Variants in N4BP1 observed in about 807,000 individuals in gnomAD.
N4BP1 encodes the protein NEDD4 binding protein 1, also known as NEDD4-binding protein 1.
N4BP1 carries 21 observed loss-of-function variants against 70.9 expected under a neutral mutation model. That is an observed-to-expected ratio of 0.30 (90% confidence interval 0.21 to 0.43). The LOEUF is 0.43. Ranked by LOEUF, N4BP1 falls within the 20% of genes least tolerant of loss-of-function variation. The probability of loss-of-function intolerance (pLI) is 1.00; values close to 1 mark genes in which losing one functional copy is unlikely to be tolerated. For missense variants in N4BP1, 936 were observed against 1,069.4 expected (o/e 0.88, Z 1.74); for synonymous variants, 387 against 394.6 (o/e 0.98, Z 0.23).
chr16:48,559,567 T>TAA lies in N4BP1; in HGVS notation c.1889+1185_1889+1186dup, dbSNP rs559847710. 4.6e-5 allele frequency: 7 copies of TAA among 151,448 alleles called. No homozygotes were observed. In the East Asian group the frequency reaches 1.4e-3, roughly 29 times the overall value. The allele number at this position is 151,448 out of a possible 1,614,324, so 9.4% of individuals were successfully genotyped here. On this transcript the variant is annotated intron_variant, in intron 2 of 6. Coordinates refer to ENST00000262384, the MANE Select transcript of N4BP1 (RefSeq NM_153029.4). ...AAATGGCAACCTAAGAGTATTCTTG[T>TAA]AAAAAAAAATGGCTGAGTCTCAGCC...
At position 48,541,263 on chromosome 16, in the gene N4BP1, C is replaced by G. The variant is rs1963495077; in HGVS notation, c.*1641G>C. The G allele has an allele frequency of 6.6e-6, 1 of 152,276 alleles. No homozygotes were observed. 9.4% of individuals were successfully genotyped at this position (152,276 alleles called of 1,614,324 possible). A position where few individuals can be genotyped will look rare whatever the true frequency, so the allele number is the denominator to read the frequency against. On this transcript the variant is annotated 3_prime_UTR_variant, in exon 7 of 7. Transcript: ENST00000262384. The stretch of plus-strand genomic sequence containing the variant: ...CACACCTCAGTTGTGCTTTTGAAAA[C>G]AGGTACAAAGCTGAGGCATGGGAGC...
Position 48,540,140 on chromosome 16 carries a change from T to A in N4BP1, c.*2764A>T, listed in dbSNP as rs1339849410. 2 of 152,506 alleles carry A rather than the reference T, an allele frequency of 1.3e-5. No individual in the cohort carries two copies. Among genetic ancestry groups the A allele is most frequent in the African/African-American group, 4.8e-5 (2 of 41,408 alleles). 9.4% of individuals were successfully genotyped at this position (152,506 alleles called of 1,614,324 possible). On this transcript the variant is annotated 3_prime_UTR_variant, in exon 7 of 7. Transcript: ENST00000262384. The stretch of plus-strand genomic sequence containing the variant: ...GAGCCAGAGACACCTCCTGGGCAAG[T>A]CGGCCAGGAGGCGGGAGGCGTGGGT...
At position 48,539,148 on chromosome 16, in the gene N4BP1, GA is replaced by G; in HGVS notation, c.*3755del. 6.6e-6 allele frequency: 1 copy of G among 152,424 alleles called. No homozygotes were observed. The highest frequency in any genetic ancestry group is 3.4e-3 in the Middle Eastern group (1 of 296). 9.4% of individuals were successfully genotyped at this position (152,424 alleles called of 1,614,324 possible). ...ACAGCCACGGACACTAAGCTCAGGAGATGTGAACTTTGTGGTCTGGTCAAAC... is the reference window on the plus strand; with the variant it reads ...ACAGCCACGGACACTAAGCTCAGGAGTGTGAACTTTGTGGTCTGGTCAAAC... On this transcript the variant is annotated 3_prime_UTR_variant, in exon 7 of 7. Transcript: ENST00000262384.
chr16:48,599,804 CTG>C (rs748823821), intron 1 of N4BP1, among the ~76,000 whole-genome samples: 1 of 152,176 alleles, frequency 6.6e-6, no homozygotes, highest in Non-Finnish European at 1.5e-5. Flanking sequence ...TTCTGGAAAA[CTG>C]TTACCTCTTC....
At chr16:48,588,770 A>G (rs1319226110) in intron 1 of N4BP1, among the ~76,000 whole-genome samples, 7 of 152,212 alleles carry the variant, frequency 4.6e-5, no homozygotes, top group African/African-American at 1.7e-4. Flanking sequence ...CAATTTAGAC[A>G]GCCACATGGG....
chr16:48,609,927 T>C lies in N4BP1; in HGVS notation c.46A>G (p.Lys16Glu). The C allele has an allele frequency of 4.9e-6, 7 of 1,429,990 alleles. No homozygotes were observed. The highest frequency in any genetic ancestry group is 6.4e-6 in the Non-Finnish European group (7 of 1,087,134). The allele number at this position is 1,429,990 out of a possible 1,614,324, so 88.6% of individuals were successfully genotyped here. ...CGGCTCTGCTCCAGCAGCTCCGCCT[T>C]CTCAGCTGGCGCAGTGAACTCGTCC... The part of the protein sequence containing the change: ...VLDEFTAPAE[K>E]AELLEQSRGR... Residue 16 changes from lysine (K) to glutamate (E), a missense_variant, in exon 1 of 7, where the codon AAG becomes GAG. Physicochemically the swap from Lys to Glu is moderately conservative, Grantham distance 56. Around this residue, in one of 4 missense-constraint regions of N4BP1, gnomAD observed 187 missense variants for 217.1 expected, o/e 0.86. Coordinates refer to ENST00000262384, the MANE Select transcript of N4BP1 (RefSeq NM_153029.4).
intron 1 of N4BP1, 42 bp downstream of exon 1, chr16:48,609,733 C>G: frequency 7.7e-7 from 1 of 1,299,186 alleles, no homozygotes; most frequent in Non-Finnish European, 9.8e-7. Context: ...AGACCCGGAC[C>G]GATCGAGGCC....
chr16:48,545,217 G>A (rs571553758), intron 6 of N4BP1, among the ~76,000 whole-genome samples: 6 of 151,518 alleles, frequency 4.0e-5, no homozygotes, highest in Non-Finnish European at 7.4e-5. Context: ...TACCTGCCTC[G>A]GCCTCACAAA....
At chr16:48,599,082 T>G (rs1026495725) in intron 1 of N4BP1, among the ~76,000 whole-genome samples, 1 of 152,028 alleles carries the variant, frequency 6.6e-6, no homozygotes, top group African/African-American at 2.4e-5. Flanking sequence ...GTTAGGAAAG[T>G]AAGGTTGATG....
chr16:48,594,310 G>C (rs1964380110), intron 1 of N4BP1, among the ~76,000 whole-genome samples: 1 of 152,106 alleles, frequency 6.6e-6, no homozygotes, highest in Non-Finnish European at 1.5e-5. Context: ...TATCATTTTG[G>C]TTAAATGAAT....
chr16:48,565,103 C>T (rs1266194265), intron 1 of N4BP1, among the ~76,000 whole-genome samples: 1 of 152,206 alleles, frequency 6.6e-6, no homozygotes, highest in East Asian at 1.9e-4. Flanking sequence ...CCTACACAGA[C>T]AATTGTATCA....
intron 2 of N4BP1, among the ~76,000 whole-genome samples, chr16:48,558,862 G>T (rs780063729): frequency 6.6e-6 from 1 of 152,204 alleles, no homozygotes; most frequent in Non-Finnish European, 1.5e-5. Flanking sequence ...ACAATAAACA[G>T]TATTATTTGG....
chr16:48,558,685 A>T (rs556129550), intron 2 of N4BP1, among the ~76,000 whole-genome samples: 47 of 152,330 alleles, frequency 3.1e-4, no homozygotes, highest in African/African-American at 1.0e-3. Context: ...TTGTGACCTA[A>T]ATTTTGTGTC....
intron 1 of N4BP1, among the ~76,000 whole-genome samples, chr16:48,596,606 A>G (rs1964417822): frequency 6.6e-6 from 1 of 152,244 alleles, no homozygotes; most frequent in Admixed American, 6.5e-5. Flanking sequence ...ATGACAGTGA[A>G]AGAGATCAGA....
In N4BP1 at chr16:48,546,160, C is replaced by T. The variant is rs1409625854; in HGVS notation, c.2320G>A (p.Glu774Lys). 2 of 1,610,362 alleles carry T rather than the reference C, an allele frequency of 1.2e-6. No individual in the cohort carries two copies. The highest frequency in any genetic ancestry group is 1.7e-6 in the Non-Finnish European group (2 of 1,177,552). Residue 774 changes from glutamate to lysine, a missense_variant, in exon 6 of 7, where the codon GAA (glutamate) becomes AAA (lysine). Physicochemically the swap from Glu to Lys is moderately conservative, Grantham distance 56 (BLOSUM62 1). Around this residue, in one of 4 missense-constraint regions of N4BP1, gnomAD observed 229 missense variants for 343.5 expected, o/e 0.67. Transcript: ENST00000262384. ...AAAAGGAAATACCTAAGACAGACTT[C>T]CTTCTGAAGAAACTCCTCTAATCGA... ...GPRLEEFLQK[E>K]VCLRDMQPLL...
In N4BP1 at chr16:48,561,428, C is replaced by G. The variant is rs1963854539; in HGVS notation, c.1215G>C (p.Glu405Asp). The change falls in exon 2 of 7, where the codon GAG (glutamate) becomes GAC (aspartate). Residue 405 changes from glutamate (E) to aspartate (D), a missense_variant. Physicochemically the swap from Glu to Asp is conservative, Grantham distance 45. Around this residue, in one of 4 missense-constraint regions of N4BP1, gnomAD observed 515 missense variants for 491.7 expected, o/e 1.05. Transcript: ENST00000262384. ...CACCTTTATTTTTGGTTTTGTTGGTCTCTGGATACACTGTACCAGCTGAAA... is the reference window on the plus strand; with the variant it reads ...CACCTTTATTTTTGGTTTTGTTGGTGTCTGGATACACTGTACCAGCTGAAA... ...REFSAGTVYP[E>D]TNKTKNKGVY... 1 of 1,613,704 alleles carries G rather than the reference C, an allele frequency of 6.2e-7. No homozygotes were observed. The highest frequency in any genetic ancestry group is 1.3e-5 in the African/African-American group (1 of 74,886).
rs571327537 is a variant in N4BP1, at chr16:48,593,657, T to C, written c.198+16118A>G. Among the ~76,000 whole-genome samples the C allele has an allele frequency of 2.0e-5, 3 of 152,356 alleles. 1 individual carries two copies. The highest frequency in any genetic ancestry group is 2.1e-4 in the South Asian group (1 of 4,830). On this transcript the variant is annotated intron_variant, in intron 1 of 6. Coordinates refer to ENST00000262384, the MANE Select transcript of N4BP1 (RefSeq NM_153029.4). ...ATTGTAAAGGGTTATAAAAGGTTTA[T>C]AAGAATCTTACCTTATGGTCAAACT... is the stretch of plus-strand genomic sequence containing the variant.
chr16:48,545,804 T>C (rs548954761), intron 6 of N4BP1, among the ~76,000 whole-genome samples: 8 of 152,134 alleles, frequency 5.3e-5, no homozygotes, highest in African/African-American at 1.4e-4. Context: ...GGAAGGCGGA[T>C]TCCTTGAGCT....
At position 48,539,784 on chromosome 16, in the gene N4BP1, A is replaced by G. The variant is rs1183881888; in HGVS notation, c.*3120T>C. ...GAATAGGGTGTTAAGGACTGGCTTTAGGCAAAAAGAAGAGACAAAAAGAAT... is the reference window on the plus strand; with the variant it reads ...GAATAGGGTGTTAAGGACTGGCTTTGGGCAAAAAGAAGAGACAAAAAGAAT... On this transcript the variant is annotated 3_prime_UTR_variant, in exon 7 of 7. Coordinates refer to ENST00000262384, the MANE Select transcript of N4BP1 (RefSeq NM_153029.4). The G allele has an allele frequency of 6.6e-6, 1 of 152,414 alleles. No individual in the cohort carries two copies. The highest frequency in any genetic ancestry group is 1.5e-5 in the Non-Finnish European group (1 of 68,160). The allele number at this position is 152,414 out of a possible 1,614,324, so 9.4% of individuals were successfully genotyped here.
Sources: allele counts gnomAD v4.1 joint callset (sites outside exome capture counted in the v4.1 genomes callset), GRCh38; gene constraint gnomAD v4.1.1; regional missense constraint gnomAD v4.1.1; transcripts MANE v1.5; gene names NCBI Gene and HGNC (gene_info 2026-07-23, HGNC 2026-07-21).